KAZN: variants seen among roughly 807,000 people sequenced by gnomAD.
The protein encoded by KAZN is kazrin, periplakin interacting protein, also known as kazrin.
A neutral mutation model predicts 87.4 loss-of-function variants in KAZN; 40 were observed. The ratio of observed to expected loss-of-function variants is 0.46; its 90% CI spans 0.36 to 0.60. KAZN has a LOEUF of 0.60. Ranked by LOEUF, KAZN falls within the 20% of genes least tolerant of loss-of-function variation. The probability of loss-of-function intolerance (pLI) is 0.00; values close to 1 mark genes in which losing one functional copy is unlikely to be tolerated. For missense variants in KAZN, 898 were observed against 1,073.9 expected, an observed-to-expected ratio of 0.84 and a Z score of 2.29; for synonymous variants, 466 against 458.3, an observed-to-expected ratio of 1.02 and a Z score of -0.22.
chr1:14,288,048 A>G (rs538922681), intron 2 of KAZN, among the ~76,000 whole-genome samples: 1 of 152,322 alleles, frequency 6.6e-6, no homozygotes, highest in Admixed American at 6.5e-5. Flanking sequence ...CATGGTGGAT[A>G]AGCTTTTTGA....
chr1:14,675,335 G>T (rs1286247904), intron 1 of KAZN, among the ~76,000 whole-genome samples: 4 of 152,262 alleles, frequency 2.6e-5, no homozygotes, highest in African/African-American at 9.6e-5. Flanking sequence ...AGCATCAGGA[G>T]AGGGCCCGCA....
chr1:15,093,601 C>A (rs1022104015), intron 8 of KAZN, among the ~76,000 whole-genome samples: 2 of 152,022 alleles, frequency 1.3e-5, no homozygotes, highest in East Asian at 1.9e-4. Context: ...TGCAGGAAAT[C>A]GACATTTTTA....
intron 2 of KAZN, among the ~76,000 whole-genome samples, chr1:14,566,703 A>G (rs1485666147): frequency 6.6e-6 from 1 of 152,238 alleles, no homozygotes; most frequent in Admixed American, 6.5e-5. Context: ...CTTCTCCATC[A>G]GCACTTGCTG....
chr1:14,736,303 ATTT>A (rs1211603234), intron 1 of KAZN, among the ~76,000 whole-genome samples: 7 of 114,880 alleles, frequency 6.1e-5, no homozygotes, highest in South Asian at 2.8e-4. Flanking sequence ...GTGTGTGTAT[ATTT>A]TTTTTTTTTG....
chr1:15,024,960 G>A (rs975753789), intron 2 of KAZN, among the ~76,000 whole-genome samples: 2 of 152,152 alleles, frequency 1.3e-5, no homozygotes, highest in African/African-American at 4.8e-5. Context: ...CTCCCAGGGA[G>A]GGCAAGAGGG....
At chr1:15,048,869 C>G (rs939532737) in intron 4 of KAZN, among the ~76,000 whole-genome samples, 4 of 145,888 alleles carry the variant, frequency 2.7e-5, no homozygotes, top group African/African-American at 1.1e-4. Flanking sequence ...GGTCGTTGGT[C>G]CTGGGTCGTT....
intron 1 of KAZN, among the ~76,000 whole-genome samples, chr1:14,799,243 T>C (rs981493051): frequency 2.0e-5 from 3 of 152,236 alleles, no homozygotes; most frequent in Admixed American, 6.5e-5. Flanking sequence ...GTACAGGATG[T>C]GTTCAGAATG....
intron 1 of KAZN, among the ~76,000 whole-genome samples, chr1:14,625,316 A>G (rs1398437402): frequency 6.6e-6 from 1 of 152,182 alleles, no homozygotes; most frequent in African/African-American, 2.4e-5. Context: ...AGTATACTAG[A>G]TTTAGCCCTG....
chr1:15,077,804 G>A lies in KAZN; in HGVS notation c.1222+12051G>A, dbSNP rs1204980267. 6.6e-6 allele frequency among the ~76,000 whole-genome samples: 1 copy of A among 152,212 alleles called. No individual in the cohort carries two copies. Among genetic ancestry groups the A allele is most frequent in the Admixed American group, 6.5e-5 (1 of 15,288 alleles). On this transcript the variant is annotated intron_variant, in intron 8 of 14. Coordinates refer to ENST00000376030, the MANE Select transcript of KAZN (RefSeq NM_201628.3). The surrounding 1 kb of genome is among the most constrained non-coding windows in gnomAD (Gnocchi z 4.8). ...AGGGATGCGGACAGGGGCTCAGAAT[G>A]AGGAATGGGGACAAAGACTGGCTTC...
intron 1 of KAZN, among the ~76,000 whole-genome samples, chr1:14,028,265 T>C (rs1003903592): frequency 1.3e-5 from 2 of 152,144 alleles, no homozygotes; most frequent in African/African-American, 4.8e-5. Flanking sequence ...GTAGAGTTGA[T>C]GGAAGGTTGA....
At position 15,071,986 on chromosome 1, in the gene KAZN, A is replaced by C. The variant is rs1573250489; in HGVS notation, c.1222+6233A>C. 3.3e-5 allele frequency among the ~76,000 whole-genome samples: 5 copies of C among 152,278 alleles called. No individual in the cohort carries two copies. In the East Asian group the frequency reaches 5.8e-4, roughly 18 times the overall value. ...TTGCTTCCAGAATCCTCAACGGAAG[A>C]TTTGCCTTCGGGAAGTCATTTTTGC... is the stretch of plus-strand genomic sequence containing the variant. On this transcript the variant is annotated intron_variant, in intron 8 of 14. Transcript: ENST00000376030.
intron 2 of KAZN, among the ~76,000 whole-genome samples, chr1:14,226,326 A>T (rs1005645032): frequency 1.3e-5 from 2 of 152,182 alleles, no homozygotes; most frequent in Admixed American, 1.3e-4. Context: ...ATCACTAATC[A>T]TTAGAGAAAT....
chr1:14,821,986 C>G (rs1303727130), intron 1 of KAZN, among the ~76,000 whole-genome samples: 2 of 152,228 alleles, frequency 1.3e-5, no homozygotes. Flanking sequence ...GTCTCCCTGT[C>G]TGTAGATTTG....
Position 14,923,804 on chromosome 1 carries a change from G to T in KAZN, c.227-36880G>T, listed in dbSNP as rs1032980653. ...GGGGACCTCGGCTCTCGGCAAGGCT[G>T]TCACAGGGTGTCAGGAGAGGAGAGA... On this transcript the variant is annotated intron_variant, in intron 1 of 14. Coordinates refer to ENST00000376030, the MANE Select transcript of KAZN (RefSeq NM_201628.3). The surrounding 1 kb of genome is among the most constrained non-coding windows in gnomAD (Gnocchi z 4.2). 6.6e-6 allele frequency among the ~76,000 whole-genome samples: 1 copy of T among 152,228 alleles called. No homozygotes were observed. The highest frequency in any genetic ancestry group is 1.5e-5 in the Non-Finnish European group (1 of 68,030).
rs573388474 is a variant in KAZN, at chr1:14,144,351, T to C, written c.92-36084T>C. ...TGGACCACATCTTCCAGAACTTTCC[T>C]AGGGAAGGGTACCTGGGATGTAACT... is the stretch of plus-strand genomic sequence containing the variant. On this transcript the variant is annotated intron_variant, in intron 1 of 16. Coordinates refer to the KAZN transcript ENST00000636203. Among the ~76,000 whole-genome samples the C allele has an allele frequency of 2.6e-5, 4 of 152,318 alleles. No individual in the cohort carries two copies. The South Asian group carries it at 8.3e-4, about 32-fold the overall frequency.
intron 1 of KAZN, among the ~76,000 whole-genome samples, chr1:14,649,731 C>T (rs1032542024): frequency 2.6e-5 from 4 of 152,126 alleles, no homozygotes; most frequent in African/African-American, 9.7e-5. Context: ...AAAAATGCAG[C>T]GTGAACTGTG....
intron 1 of KAZN, among the ~76,000 whole-genome samples, chr1:14,612,601 T>C (rs1297794643): frequency 6.6e-6 from 1 of 152,154 alleles, no homozygotes; most frequent in Non-Finnish European, 1.5e-5. Context: ...ATAACACCTC[T>C]GTGGTAGAGT....
At chr1:14,692,353 C>T in intron 1 of KAZN, 1 of 375,986 alleles carries the variant, frequency 2.7e-6, no homozygotes, top group Admixed American at 4.8e-5. Flanking sequence ...ATCTTTTCTT[C>T]TTGTTATTTT....
chr1:14,287,070 G>A (rs1353064721), intron 2 of KAZN, among the ~76,000 whole-genome samples: 3 of 152,156 alleles, frequency 2.0e-5, no homozygotes, highest in Admixed American at 6.5e-5. Context: ...ACCAGCTAAT[G>A]ACTTGGAAAG....
Sources: gnomAD v4.1 joint callset for allele counts (sites outside exome capture counted in the v4.1 genomes callset) on GRCh38, gnomAD v4.1.1 for gene constraint, Gnocchi (gnomAD v3.1) non-coding constraint, MANE v1.5 for transcripts, NCBI Gene and HGNC (gene_info 2026-07-23, HGNC 2026-07-21) for gene names.